BCL2L14: variants seen among roughly 807,000 people sequenced by gnomAD.
The protein encoded by BCL2L14 is apoptosis facilitator Bcl-2-like protein 14.
A neutral mutation model predicts 35.3 loss-of-function variants in BCL2L14; 27 were observed. The ratio of observed to expected loss-of-function variants is 0.76; its 90% CI spans 0.56 to 1.05. BCL2L14 has a LOEUF of 1.05. Ranked by LOEUF, BCL2L14 falls within the 50% of genes least tolerant of loss-of-function variation. The probability of loss-of-function intolerance (pLI) is 0.00; values close to 1 mark genes in which losing one functional copy is unlikely to be tolerated. For synonymous variants in BCL2L14, 139 were observed against 145.9 expected (o/e 0.95, Z 0.34); for missense variants, 377 against 382.6 (o/e 0.99, Z 0.12).
chr12:12,085,984 G>A (rs1304641751), intron 2 of BCL2L14, among the ~76,000 whole-genome samples: 5 of 152,076 alleles, frequency 3.3e-5, no homozygotes, highest in African/African-American at 7.2e-5. Context: ...TGCTCCACAC[G>A]GCATCCAAGA....
intron 2 of BCL2L14, among the ~76,000 whole-genome samples, chr12:12,080,009 C>T (rs1156851385): frequency 6.6e-6 from 1 of 152,072 alleles, no homozygotes; most frequent in Non-Finnish European, 1.5e-5. Context: ...TTGAGACCAT[C>T]CTGGCTAACA....
At chr12:12,068,480 G>T (rs1948619593), upstream of BCL2L14, among the ~76,000 whole-genome samples, 1 of 152,022 alleles carries the variant, frequency 6.6e-6, no homozygotes, top group African/African-American at 2.4e-5. Flanking sequence ...CTAGCTTGCT[G>T]CCCCCTTGAA....
chr12:12,060,277 A>C (rs955652082), intron 2 of BCL2L14, among the ~76,000 whole-genome samples: 4 of 147,564 alleles, frequency 2.7e-5, no homozygotes, highest in African/African-American at 1.0e-4. Flanking sequence ...CTTTTTCTTT[A>C]TCCCAAATCA....
chr12:12,099,103 C>G lies in BCL2L14; in HGVS notation c.*115C>G. 2.6e-6 allele frequency: 2 copies of G among 760,236 alleles called. No individual in the cohort carries two copies. Among genetic ancestry groups the G allele is most frequent in the South Asian group, 3.2e-5 (2 of 63,114 alleles). 47.1% of individuals were successfully genotyped at this position (760,236 alleles called of 1,614,324 possible). A position where few individuals can be genotyped will look rare whatever the true frequency, so the allele number is the denominator to read the frequency against. On this transcript the variant is annotated 3_prime_UTR_variant, in exon 6 of 6. Coordinates refer to ENST00000308721, the MANE Select transcript of BCL2L14 (RefSeq NM_138723.2). Reference sequence around the variant, plus strand: ...AAGGCAGATGGAGCATTGACGTTTTCAAAACCATTATTCCTGTGACTGGAG... The same window carrying G: ...AAGGCAGATGGAGCATTGACGTTTTGAAAACCATTATTCCTGTGACTGGAG...
In BCL2L14 at chr12:12,050,414, C is replaced by G. The variant is rs149431831; in HGVS notation, c.-324+460C>G. ...CGCCACTGCACTCCAACCTGGGCGA[C>G]AGAGGGAGACACCATCTCAAAAAAA... is the stretch of plus-strand genomic sequence containing the variant. On this transcript the variant is annotated intron_variant, in intron 1 of 3. Coordinates refer to the BCL2L14 transcript ENST00000461264. Among the ~76,000 whole-genome samples, 979 of 120,784 alleles carry G rather than the reference C, an allele frequency of 8.1e-3. 17 individuals are homozygous for G. Among genetic ancestry groups the G allele is most frequent in the African/African-American group, 0.03 (937 of 30,742 alleles). The allele number at this position is 120,784 out of a possible 152,430, so 79.2% of individuals were successfully genotyped here.
Position 12,082,723 on chromosome 12 carries a change from C to A in BCL2L14, c.433+2985C>A, listed in dbSNP as rs188686196. Among the ~76,000 whole-genome samples the A allele has an allele frequency of 2.6e-5, 4 of 152,140 alleles. No homozygotes were observed. In the East Asian group the frequency reaches 7.7e-4, roughly 29 times the overall value. ...AGTACCTATGGCTGAATAATATTCT[C>A]CATAAAAAATGAAAAATGATTACCT... On this transcript the variant is annotated intron_variant, in intron 2 of 5. Transcript: ENST00000308721.
At chr12:12,085,102 A>G (rs1949014746) in intron 2 of BCL2L14, among the ~76,000 whole-genome samples, 1 of 151,596 alleles carries the variant, frequency 6.6e-6, no homozygotes, top group Admixed American at 6.6e-5. Flanking sequence ...AAAAAAAAAA[A>G]AAGTCAATAC....
intron 1 of BCL2L14, among the ~76,000 whole-genome samples, chr12:12,076,853 A>T (rs1286891475): frequency 2.6e-5 from 4 of 152,202 alleles, no homozygotes; most frequent in Middle Eastern, 3.4e-3. Flanking sequence ...CAGCTCCTAC[A>T]CCTCCTTCCA....
intron 2 of BCL2L14, 68 bp downstream of exon 2, chr12:12,079,806 A>C: frequency 6.8e-7 from 1 of 1,477,036 alleles, no homozygotes; most frequent in Non-Finnish European, 9.2e-7. Context: ...AGAGTGGTAC[A>C]TCTCTTCTCA....
chr12:12,057,855 A>G (rs1948455663), intron 2 of BCL2L14, among the ~76,000 whole-genome samples: 1 of 146,536 alleles, frequency 6.8e-6, no homozygotes, highest in South Asian at 2.1e-4. Flanking sequence ...CATGGGCCTT[A>G]AAGACAGTGC....
chr12:12,083,687 ATAATCCCAG>A (rs2136757593), intron 2 of BCL2L14, among the ~76,000 whole-genome samples: 3 of 152,266 alleles, frequency 2.0e-5, no homozygotes, highest in African/African-American at 7.2e-5. Context: ...GCTCATGCCT[ATAATCCCAG>A]CCCTTTGGGA....
intron 3 of BCL2L14, among the ~76,000 whole-genome samples, chr12:12,089,591 G>A (rs973896590): frequency 6.6e-6 from 1 of 151,850 alleles, no homozygotes; most frequent in East Asian, 1.9e-4. Context: ...CCAGCTACTC[G>A]GGAGGCTGAG....
intron 3 of BCL2L14, among the ~76,000 whole-genome samples, chr12:12,089,867 TC>T (rs1949140327): frequency 6.6e-6 from 1 of 152,100 alleles, no homozygotes; most frequent in African/African-American, 2.4e-5. Flanking sequence ...TCAGATAAAA[TC>T]CATCAATCTG....
intron 1 of BCL2L14, among the ~76,000 whole-genome samples, chr12:12,073,395 G>T (rs1181704771): frequency 1.3e-5 from 2 of 151,982 alleles, no homozygotes; most frequent in Non-Finnish European, 2.9e-5. Flanking sequence ...CAGCCTTTCT[G>T]GCCTGTAAGA....
At chr12:12,081,756 A>C (rs1948930155) in intron 2 of BCL2L14, among the ~76,000 whole-genome samples, 1 of 151,886 alleles carries the variant, frequency 6.6e-6, no homozygotes, top group Non-Finnish European at 1.5e-5. Flanking sequence ...ACAGCGTTTC[A>C]CCATGTTGGT....
chr12:12,060,711 C>T (rs1243378181), intron 2 of BCL2L14, among the ~76,000 whole-genome samples: 1 of 60,020 alleles, frequency 1.7e-5, no homozygotes, highest in Admixed American at 1.9e-4. Context: ...GCCTGCAGCC[C>T]AGGATTCCTC....
rs554183347 is a variant in BCL2L14 at position 12,080,641 on chromosome 12, C to T, written c.433+903C>T. On this transcript the variant is annotated intron_variant, in intron 2 of 5. Coordinates refer to ENST00000308721, the MANE Select transcript of BCL2L14 (RefSeq NM_138723.2). ...TCTCAAAAAAAAAAAAAAAAAAGAA[C>T]GAGCCCTAACCAGGGGCTTGCTTGG... Among the ~76,000 whole-genome samples, 10 of 147,106 alleles carry T rather than the reference C, an allele frequency of 6.8e-5. No homozygotes were observed. In the East Asian group the frequency reaches 1.0e-3, roughly 15 times the overall value.
intron 2 of BCL2L14, among the ~76,000 whole-genome samples, chr12:12,062,256 T>C (rs1450654585): frequency 1.3e-5 from 2 of 149,314 alleles, no homozygotes; most frequent in East Asian, 1.9e-4. Flanking sequence ...ACATTATTCC[T>C]GATACCACAC....
chr12:12,056,558 G>A (rs537919382), intron 2 of BCL2L14, among the ~76,000 whole-genome samples: 5 of 152,280 alleles, frequency 3.3e-5, no homozygotes, highest in South Asian at 2.1e-4. Flanking sequence ...GGCTGGGCAC[G>A]GTGGCTCACG....
Sources: gnomAD v4.1 joint callset for allele counts (sites outside exome capture counted in the v4.1 genomes callset) on GRCh38, gnomAD v4.1.1 for gene constraint, MANE v1.5 for transcripts, NCBI Gene and HGNC (gene_info 2026-07-23, HGNC 2026-07-21) for gene names.